GPC4: variants seen among roughly 807,000 people sequenced by gnomAD.
GPC4 encodes the protein glypican 4, also known as glypican-4.
GPC4 carries 10 observed loss-of-function variants against 35.0 expected under a neutral mutation model. The ratio of observed to expected loss-of-function variants is 0.29; its 90% CI spans 0.18 to 0.48. The LOEUF (loss-of-function observed/expected upper bound fraction) is 0.48, where lower values mean the gene tolerates loss of function less well. Among genes scored for constraint, GPC4 ranks in the 20% least tolerant of loss-of-function variants. GPC4 has a pLI of 0.99. For missense variants in GPC4, 322 were observed against 451.3 expected (o/e 0.71, Z 2.60); for synonymous variants, 167 against 170.2 (o/e 0.98, Z 0.15).
chrX:133,326,379 C>G (rs757647915), intron 2 of GPC4, among the ~76,000 whole-genome samples: 1 of 111,853 alleles, frequency 8.9e-6, no homozygotes, highest in African/African-American at 3.2e-5. Context: ...TGGACACTTG[C>G]TATAAATGCA....
intron 3 of GPC4, among the ~76,000 whole-genome samples, chrX:133,316,124 A>G (rs1359290179): frequency 8.9e-6 from 1 of 111,912 alleles, no homozygotes; most frequent in African/African-American, 3.2e-5. Context: ...TGGCAGAGTT[A>G]CTACTGATAG....
intron 1 of GPC4, among the ~76,000 whole-genome samples, chrX:133,371,397 G>A (rs142584842): frequency 0.014 from 1,582 of 111,519 alleles, 34 homozygotes; most frequent in African/African-American, 0.049. Flanking sequence ...TTTGAATTCT[G>A]GTGTTCATTA....
rs772083438 is a variant in GPC4, at chrX:133,385,554, C to T, written c.160+29252G>A. On this transcript the variant is annotated intron_variant, in intron 1 of 8. Coordinates refer to ENST00000370828, the MANE Select transcript of GPC4 (RefSeq NM_001448.3). ...ATTTTATTTTGTCTGCACCATAACT[C>T]TTGAAGGCATTATCCTATTTTACAG... 3.6e-5 allele frequency among the ~76,000 whole-genome samples: 4 copies of T among 112,048 alleles called. No individual in the cohort carries two copies. In the South Asian group the frequency reaches 1.5e-3, roughly 42 times the overall value.
intron 1 of GPC4, among the ~76,000 whole-genome samples, chrX:133,383,351 T>G (rs2068672174): frequency 9.0e-6 from 1 of 111,486 alleles, no homozygotes; most frequent in Non-Finnish European, 1.9e-5. Context: ...AGATTCCAAC[T>G]ATATGACATT....
Sources: gnomAD v4.1 joint callset for allele counts (sites outside exome capture counted in the v4.1 genomes callset) on GRCh38, gnomAD v4.1.1 for gene constraint, MANE v1.5 for transcripts, NCBI Gene and HGNC (gene_info 2026-07-23, HGNC 2026-07-21) for gene names.